Variants in KCNK2 observed in about 807,000 individuals in gnomAD.
KCNK2 encodes the protein potassium two pore domain channel subfamily K member 2, also known as potassium channel subfamily K member 2.
Under a neutral mutation model 40.5 loss-of-function variants are expected in KCNK2, and 21 were observed. That is an observed-to-expected ratio of 0.52 (90% confidence interval 0.37 to 0.75). The LOEUF is 0.75. Among genes scored for constraint, KCNK2 ranks in the 30% least tolerant of loss-of-function variants. KCNK2 has a pLI of 0.00. For synonymous variants in KCNK2, 191 were observed against 202.2 expected, an observed-to-expected ratio of 0.94 and a Z score of 0.47; for missense variants, 399 against 531.6, an observed-to-expected ratio of 0.75 and a Z score of 2.45.
intron 6 of KCNK2, among the ~76,000 whole-genome samples, chr1:215,200,950 T>C (rs1378376545): frequency 1.3e-5 from 2 of 152,118 alleles, no homozygotes; most frequent in Admixed American, 6.5e-5. Context: ...TTCTAGAAAA[T>C]TGCATCTGCG....
At chr1:215,104,615 A>G (rs905295633) in intron 2 of KCNK2, among the ~76,000 whole-genome samples, 13 of 152,108 alleles carry the variant, frequency 8.5e-5, no homozygotes, top group African/African-American at 2.4e-5. Flanking sequence ...AAATAAAAGC[A>G]GGTGGTGTCT....
chr1:215,212,416 G>A (rs116538926), intron 6 of KCNK2, among the ~76,000 whole-genome samples: 1 of 152,070 alleles, frequency 6.6e-6, no homozygotes, highest in Non-Finnish European at 1.5e-5. Flanking sequence ...GATTTGAAGG[G>A]CATGTATTTG....
chr1:215,187,242 T>A (rs1664477113), intron 5 of KCNK2, among the ~76,000 whole-genome samples: 1 of 152,196 alleles, frequency 6.6e-6, no homozygotes, highest in Non-Finnish European at 1.5e-5. Flanking sequence ...ATTGCTGGGA[T>A]TTTAAAAGCA....
At chr1:215,050,534 G>A (rs1179537260) in intron 1 of KCNK2, among the ~76,000 whole-genome samples, 1 of 152,046 alleles carries the variant, frequency 6.6e-6, no homozygotes, top group Non-Finnish European at 1.5e-5. Flanking sequence ...CAGGATGAAA[G>A]GGAGCATACA....
rs192366730 is a variant in KCNK2, at chr1:215,034,866, G to A, written c.34+28911G>A. 1.1e-3 allele frequency among the ~76,000 whole-genome samples: 162 copies of A among 152,018 alleles called. 1 individual carries two copies. The highest frequency in any genetic ancestry group is 1.4e-3 in the Non-Finnish European group (95 of 67,938). ...TCTATGTTTCTGTATCTACTTATCC[G>A]TAATATTTTAAAATATACATGCATT... is the stretch of plus-strand genomic sequence containing the variant. On this transcript the variant is annotated intron_variant, in intron 1 of 6. Coordinates refer to the KCNK2 transcript ENST00000391895.
chr1:215,095,953 C>T (rs531846921), intron 2 of KCNK2, among the ~76,000 whole-genome samples: 54 of 152,098 alleles, frequency 3.6e-4, no homozygotes, highest in Admixed American at 5.9e-4. Context: ...ATTCTTCATG[C>T]CGGGGCATGA....
chr1:215,057,998 G>A (rs1658227920), intron 1 of KCNK2, among the ~76,000 whole-genome samples: 1 of 152,072 alleles, frequency 6.6e-6, no homozygotes, highest in African/African-American at 2.4e-5. Context: ...GATGATGAAG[G>A]GCAAAAGTGA....
chr1:215,029,852 C>A (rs540016906), intron 1 of KCNK2, among the ~76,000 whole-genome samples: 52 of 152,088 alleles, frequency 3.4e-4, no homozygotes, highest in African/African-American at 1.3e-3. Flanking sequence ...CAAGTTTTGA[C>A]AATAACGAAT....
At chr1:215,190,015 A>G (rs1664601578) in intron 5 of KCNK2, among the ~76,000 whole-genome samples, 1 of 152,216 alleles carries the variant, frequency 6.6e-6, no homozygotes, top group African/African-American at 2.4e-5. Context: ...TGTAACAGAT[A>G]TGCCATTTTA....
At chr1:215,025,599 A>G (rs1656975834) in intron 1 of KCNK2, among the ~76,000 whole-genome samples, 1 of 151,772 alleles carries the variant, frequency 6.6e-6, no homozygotes, top group Admixed American at 6.6e-5. Flanking sequence ...ATATACACAT[A>G]TATGTGAGTA....
chr1:215,088,202 G>A (rs986285100), intron 2 of KCNK2, among the ~76,000 whole-genome samples: 1 of 151,842 alleles, frequency 6.6e-6, no homozygotes. Flanking sequence ...ACTTCCCTCG[G>A]TTTCTGAAGA....
chr1:215,144,206 G>C (rs1662312266), intron 3 of KCNK2, among the ~76,000 whole-genome samples: 1 of 152,108 alleles, frequency 6.6e-6, no homozygotes, highest in Non-Finnish European at 1.5e-5. Context: ...TTATTTTGAA[G>C]ATATTTGTCA....
chr1:215,200,092 A>G (rs1665022836), intron 6 of KCNK2, among the ~76,000 whole-genome samples: 1 of 152,156 alleles, frequency 6.6e-6, no homozygotes, highest in African/African-American at 2.4e-5. Context: ...TACCAATATC[A>G]TTTCCTTAGT....
In KCNK2 at chr1:215,072,849, G is replaced by A. The variant is rs1001279020; in HGVS notation, c.35-13519G>A. Among the ~76,000 whole-genome samples the A allele has an allele frequency of 2.0e-5, 3 of 152,204 alleles. No individual in the cohort carries two copies. The East Asian group carries it at 5.8e-4, about 29-fold the overall frequency. On this transcript the variant is annotated intron_variant, in intron 1 of 6. Transcript: ENST00000391895. ...ATTGGAATTTGTTTTGGTCTTATAG[G>A]CAATGTTATGGGCTGAGTTTTGTCC... is the stretch of plus-strand genomic sequence containing the variant.
intron 1 of KCNK2, among the ~76,000 whole-genome samples, chr1:215,020,676 A>C (rs2601619): frequency 6.6e-6 from 1 of 151,970 alleles, no homozygotes; most frequent in African/African-American, 2.4e-5. Flanking sequence ...TCCACCCACC[A>C]CAGCCTCTCA....
At chr1:215,169,068 A>G (rs1044940241) in intron 3 of KCNK2, 131 bp from the exon 4 acceptor site, 2 of 613,954 alleles carry the variant, frequency 3.3e-6, no homozygotes, top group East Asian at 5.6e-5. Flanking sequence ...AGTATGTAAT[A>G]CAAACGTATT....
At chr1:215,234,572 C>T (rs1666799982) in intron 6 of KCNK2, among the ~76,000 whole-genome samples, 1 of 152,046 alleles carries the variant, frequency 6.6e-6, no homozygotes, top group Admixed American at 6.6e-5. Flanking sequence ...AAAACAAGCA[C>T]ATGTAGAGCC....
At chr1:215,083,646 G>A (rs927599061) in intron 1 of KCNK2, 1 of 604,782 alleles carries the variant, frequency 1.7e-6, no homozygotes, top group Non-Finnish European at 2.9e-6. Context: ...GGTGCCCGGG[G>A]TTTTTGCATC....
intron 1 of KCNK2, among the ~76,000 whole-genome samples, chr1:215,011,183 C>T (rs931486826): frequency 3.0e-4 from 46 of 152,104 alleles, no homozygotes; most frequent in African/African-American, 1.1e-3. Flanking sequence ...TGGTCAAAAC[C>T]TCCTCCATCT....
Sources: gnomAD v4.1 joint callset for allele counts (sites outside exome capture counted in the v4.1 genomes callset) on GRCh38, gnomAD v4.1.1 for gene constraint, MANE v1.5 for transcripts, NCBI Gene and HGNC (gene_info 2026-07-23, HGNC 2026-07-21) for gene names.